The following THEMIS variants were observed in gnomAD, a reference collection of about 807,000 sequenced individuals.
THEMIS encodes protein THEMIS.
THEMIS carries 37 observed loss-of-function variants against 52.6 expected under a neutral mutation model. That is an observed-to-expected ratio of 0.70 (90% CI 0.54 to 0.93). THEMIS has a LOEUF of 0.93. THEMIS is among the 40% of genes least tolerant of loss of function. The pLI, the probability that THEMIS is intolerant of heterozygous loss-of-function variation, is 0.00. For missense variants in THEMIS, 808 were observed against 763.1 expected (o/e 1.06, Z -0.69); for synonymous variants, 292 against 272.7 (o/e 1.07, Z -0.70).
At chr6:127,714,982 A>G (rs1196666333) in intron 5 of THEMIS, among the ~76,000 whole-genome samples, 2 of 151,920 alleles carry the variant, frequency 1.3e-5, no homozygotes, top group Non-Finnish European at 2.9e-5. Flanking sequence ...TCTCTAGGGA[A>G]GAAGAGGGGC....
chr6:127,735,062 A>G (rs1774955436), intron 4 of THEMIS, among the ~76,000 whole-genome samples: 1 of 151,104 alleles, frequency 6.6e-6, no homozygotes, highest in Non-Finnish European at 1.5e-5. Flanking sequence ...ATTGAAGATC[A>G]TTACTAGATT....
At chr6:127,818,401 T>C (rs956307329) in intron 3 of THEMIS, among the ~76,000 whole-genome samples, 1 of 150,014 alleles carries the variant, frequency 6.7e-6, no homozygotes, top group Non-Finnish European at 1.5e-5. Context: ...TAAGAAGGAG[T>C]CTCTAGAGAC....
intron 4 of THEMIS, among the ~76,000 whole-genome samples, chr6:127,790,745 C>A (rs1226515643): frequency 6.6e-6 from 1 of 152,202 alleles, no homozygotes. Flanking sequence ...CAAGGGTGAG[C>A]CAGGCACAGA....
At chr6:127,706,981 T>G (rs889684924), downstream of THEMIS, among the ~76,000 whole-genome samples, 1 of 152,128 alleles carries the variant, frequency 6.6e-6, no homozygotes, top group African/African-American at 2.4e-5. Context: ...TGACTCACAG[T>G]TCAGCATGGC....
the THEMIS span, among the ~76,000 whole-genome samples, chr6:127,699,172 T>A: frequency 6.6e-6 from 1 of 151,842 alleles, no homozygotes. Flanking sequence ...GAGGAGGGGA[T>A]GTCTTAAAAG....
At chr6:127,874,475 G>A (rs1780254260) in intron 1 of THEMIS, among the ~76,000 whole-genome samples, 1 of 152,140 alleles carries the variant, frequency 6.6e-6, no homozygotes, top group Non-Finnish European at 1.5e-5. Flanking sequence ...TACATATATT[G>A]TATGGATTCA....
At position 127,709,923 on chromosome 6, in the gene THEMIS, C is replaced by T; in HGVS notation, c.*62G>A. 5 of 1,471,360 alleles carry T rather than the reference C, an allele frequency of 3.4e-6. No individual in the cohort carries two copies. Among genetic ancestry groups the T allele is most frequent in the Non-Finnish European group, 4.7e-6 (5 of 1,072,968 alleles). 91.1% of individuals were successfully genotyped at this position (1,471,360 alleles called of 1,614,324 possible). ...GAATACTCGTTTTTCAGCTAGAAGGCTAGCTTCTTTTTTCACTGCAACATT... is the reference window on the plus strand; with the variant it reads ...GAATACTCGTTTTTCAGCTAGAAGGTTAGCTTCTTTTTTCACTGCAACATT... On this transcript the variant is annotated 3_prime_UTR_variant, in exon 6 of 6. Coordinates refer to ENST00000368248, the MANE Select transcript of THEMIS (RefSeq NM_001010923.3).
At chr6:127,871,319 A>T (rs1169214899) in intron 1 of THEMIS, among the ~76,000 whole-genome samples, 2 of 152,052 alleles carry the variant, frequency 1.3e-5, no homozygotes, top group African/African-American at 4.8e-5. Flanking sequence ...ATATATTTAT[A>T]TACACACACT....
chr6:127,778,693 C>G (rs1776643996), intron 4 of THEMIS, among the ~76,000 whole-genome samples: 1 of 152,006 alleles, frequency 6.6e-6, no homozygotes, highest in African/African-American at 2.4e-5. Context: ...AGGAAGTTCC[C>G]AGGGCATAAT....
At chr6:127,721,299 C>T (rs1774354710) in intron 4 of THEMIS, among the ~76,000 whole-genome samples, 2 of 151,984 alleles carry the variant, frequency 1.3e-5, no homozygotes, top group Non-Finnish European at 2.9e-5. Context: ...GGTTGTATGC[C>T]ATTATGTTTT....
rs544047373 is a variant in THEMIS, at chr6:127,734,916, T to A, written c.1759-15093A>T. On this transcript the variant is annotated intron_variant, in intron 4 of 5. Transcript: ENST00000368248. Reference sequence around the variant, plus strand: ...AAAAAAATATATATATATATATATGTGTGTGTGTGTGTGTGTGTGTGTATG... The same window carrying A: ...AAAAAAATATATATATATATATATGAGTGTGTGTGTGTGTGTGTGTGTATG... 3.4e-3 allele frequency among the ~76,000 whole-genome samples: 329 copies of A among 98,042 alleles called. 4 individuals carry two copies. Among genetic ancestry groups the A allele is most frequent in the African/African-American group, 0.012 (322 of 26,052 alleles). The allele number at this position is 98,042 out of a possible 152,430, so 64.3% of individuals were successfully genotyped here. A position where few individuals can be genotyped will look rare whatever the true frequency, so the allele number is the denominator to read the frequency against.
chr6:127,865,812 A>G (rs1206322331), intron 1 of THEMIS, among the ~76,000 whole-genome samples: 4 of 152,106 alleles, frequency 2.6e-5, no homozygotes, highest in Non-Finnish European at 4.4e-5. Context: ...GTGTGTATGC[A>G]TGTGTGTTTG....
rs1460176886 is a variant in THEMIS at position 127,812,972 on chromosome 6, G to A, written c.1669C>T (p.Pro557Ser). ...TCCTCTACTGAGGGGTGTTTCGGAG[G>A]GCGAGGTGGGGGATGTGAGGCTGAG... ...ESSASHPPPR[P>S]PKHPSVEETK... The change falls in exon 4 of 6, where the codon CCT becomes TCT. Residue 557 changes from proline (P) to serine (S), a missense_variant. By Grantham distance (74) the Pro-to-Ser change is moderately conservative (BLOSUM62 -1). Coordinates refer to ENST00000368248, the MANE Select transcript of THEMIS (RefSeq NM_001010923.3). The A allele has an allele frequency of 1.2e-6, 2 of 1,614,082 alleles. No homozygotes were observed. The highest frequency in any genetic ancestry group is 1.7e-6 in the Non-Finnish European group (2 of 1,180,008).
intron 4 of THEMIS, among the ~76,000 whole-genome samples, chr6:127,725,856 G>C (rs1409510885): frequency 1.3e-5 from 2 of 152,074 alleles, no homozygotes; most frequent in African/African-American, 4.8e-5. Flanking sequence ...GTTTACAGAG[G>C]GTTTGCTCAA....
intron 4 of THEMIS, among the ~76,000 whole-genome samples, chr6:127,787,091 C>A (rs1049053630): frequency 1.3e-5 from 2 of 152,128 alleles, no homozygotes; most frequent in Non-Finnish European, 2.9e-5. Flanking sequence ...CCCTACTGTC[C>A]CCAGGAAAAG....
At chr6:127,789,234 A>T (rs1044384105) in intron 4 of THEMIS, among the ~76,000 whole-genome samples, 3 of 152,232 alleles carry the variant, frequency 2.0e-5, no homozygotes, top group Admixed American at 2.0e-4. Flanking sequence ...CTATCAGAGA[A>T]TACTATAAAC....
chr6:127,803,316 C>T (rs376952361), intron 4 of THEMIS, among the ~76,000 whole-genome samples: 6 of 152,066 alleles, frequency 3.9e-5, no homozygotes, highest in African/African-American at 9.7e-5. Context: ...TTTCATCACC[C>T]GAAAATGTTC....
intron 1 of THEMIS, among the ~76,000 whole-genome samples, chr6:127,887,027 A>C (rs1037784991): frequency 1.6e-4 from 24 of 150,480 alleles, no homozygotes; most frequent in African/African-American, 5.4e-4. Context: ...CAAAAAATAC[A>C]TTGGATTTCA....
chr6:127,776,521 T>C (rs1776570614), intron 4 of THEMIS, among the ~76,000 whole-genome samples: 1 of 152,204 alleles, frequency 6.6e-6, no homozygotes, highest in South Asian at 2.1e-4. Context: ...GTGAATTACT[T>C]TGAAAGTAGA....
Sources: gnomAD v4.1 joint callset for allele counts (sites outside exome capture counted in the v4.1 genomes callset) on GRCh38, gnomAD v4.1.1 for gene constraint, MANE v1.5 for transcripts, NCBI Gene and HGNC (gene_info 2026-07-23, HGNC 2026-07-21) for gene names.